ARHGAP15: variants seen among roughly 807,000 people sequenced by gnomAD.
ARHGAP15 encodes the protein rho GTPase-activating protein 15.
A neutral mutation model predicts 63.7 loss-of-function variants in ARHGAP15; 51 were observed. The observed-to-expected ratio is 0.80, with a 90% CI of 0.64 to 1.01. The LOEUF is 1.01. Among genes scored for constraint, ARHGAP15 ranks in the 50% least tolerant of loss-of-function variants. The probability of loss-of-function intolerance (pLI) is 0.00; values close to 1 mark genes in which losing one functional copy is unlikely to be tolerated. For missense variants in ARHGAP15, 560 were observed against 564.6 expected, an observed-to-expected ratio of 0.99 and a Z score of 0.08; for synonymous variants, 191 against 193.8, an observed-to-expected ratio of 0.99 and a Z score of 0.12.
intron 6 of ARHGAP15, among the ~76,000 whole-genome samples, chr2:143,264,256 A>T (rs1220654758): frequency 6.6e-6 from 1 of 152,018 alleles, no homozygotes; most frequent in Non-Finnish European, 1.5e-5. Context: ...GAGTTGTCTG[A>T]TGTCATATAA....
chr2:143,578,211 C>T (rs1395890669), intron 11 of ARHGAP15, among the ~76,000 whole-genome samples: 1 of 152,004 alleles, frequency 6.6e-6, no homozygotes, highest in Non-Finnish European at 1.5e-5. Context: ...TTCATTTATA[C>T]ATAATCTTTG....
chr2:143,481,576 G>T (rs1291726313), intron 8 of ARHGAP15, among the ~76,000 whole-genome samples: 3 of 152,056 alleles, frequency 2.0e-5, no homozygotes, highest in African/African-American at 7.2e-5. Context: ...AGATTTGGGG[G>T]TTTTCTTTTT....
At chr2:143,364,989 G>C (rs1428514970) in intron 6 of ARHGAP15, among the ~76,000 whole-genome samples, 1 of 151,972 alleles carries the variant, frequency 6.6e-6, no homozygotes, top group Non-Finnish European at 1.5e-5. Context: ...CTTGGCAACA[G>C]AGCGAGACTC....
chr2:143,441,441 G>GA (rs1487891026), intron 8 of ARHGAP15, among the ~76,000 whole-genome samples: 1 of 152,146 alleles, frequency 6.6e-6, no homozygotes, highest in African/African-American at 2.4e-5. Flanking sequence ...AAGTTGATGG[G>GA]AAGGATTCAG....
intron 6 of ARHGAP15, among the ~76,000 whole-genome samples, chr2:143,413,696 A>ACTCCTGGG (rs1304859636): frequency 1.3e-5 from 2 of 151,854 alleles, no homozygotes; most frequent in Non-Finnish European, 2.9e-5. Flanking sequence ...CTGATTCTGA[A>ACTCCTGGG]CTCCTGGGCT....
intron 6 of ARHGAP15, among the ~76,000 whole-genome samples, chr2:143,366,911 T>C (rs1248960876): frequency 1.3e-5 from 2 of 152,110 alleles, no homozygotes; most frequent in East Asian, 3.8e-4. Flanking sequence ...ATCTTTTAAC[T>C]TGACTCTGCT....
At chr2:143,316,709 A>G (rs565255094) in intron 6 of ARHGAP15, among the ~76,000 whole-genome samples, 36 of 151,748 alleles carry the variant, frequency 2.4e-4, no homozygotes, top group African/African-American at 8.2e-4. Flanking sequence ...TCTCTGATCA[A>G]TTCTGTCTCC....
At chr2:143,658,748 C>T (rs1270866950) in intron 12 of ARHGAP15, among the ~76,000 whole-genome samples, 1 of 152,180 alleles carries the variant, frequency 6.6e-6, no homozygotes, top group African/African-American at 2.4e-5. Flanking sequence ...TCCTCTGTCA[C>T]TTCTGGTAAG....
intron 10 of ARHGAP15, among the ~76,000 whole-genome samples, chr2:143,554,143 T>G (rs1304965411): frequency 1.3e-5 from 2 of 152,222 alleles, no homozygotes; most frequent in Non-Finnish European, 2.9e-5. Context: ...CTAATTTGAT[T>G]GATTTTTTAA....
chr2:143,360,593 G>C (rs11691350), intron 6 of ARHGAP15, among the ~76,000 whole-genome samples: 9,083 of 152,188 alleles, frequency 0.06, 386 homozygotes, highest in Non-Finnish European at 0.094. Flanking sequence ...GGAAACCTGA[G>C]TTTGCATTCC....
chr2:143,509,620 A>C (rs1226253736), intron 9 of ARHGAP15, among the ~76,000 whole-genome samples: 3 of 152,228 alleles, frequency 2.0e-5, no homozygotes, highest in Non-Finnish European at 4.4e-5. Context: ...CCAGTTCTCC[A>C]AACATTCTCA....
intron 13 of ARHGAP15, among the ~76,000 whole-genome samples, chr2:143,724,422 G>A (rs1244994320): frequency 1.3e-5 from 2 of 152,168 alleles, no homozygotes; most frequent in Admixed American, 6.5e-5. Flanking sequence ...TTACCGCCCT[G>A]TCAGGCTCTG....
intron 10 of ARHGAP15, among the ~76,000 whole-genome samples, chr2:143,539,170 G>A (rs539511845): frequency 6.6e-5 from 10 of 152,256 alleles, no homozygotes; most frequent in Non-Finnish European, 1.2e-4. Context: ...TTTGTGTAGA[G>A]GTATTTATAG....
intron 11 of ARHGAP15, chr2:143,601,383 C>T (rs1029893417): frequency 1.3e-5 from 2 of 152,090 alleles, no homozygotes; most frequent in Admixed American, 6.6e-5. Flanking sequence ...ATTTTGAAAG[C>T]TAAATGCTTT....
chr2:143,243,530 T>A (rs1019921111), intron 5 of ARHGAP15, among the ~76,000 whole-genome samples: 33 of 152,180 alleles, frequency 2.2e-4, no homozygotes, highest in Non-Finnish European at 4.3e-4. Context: ...AGTCATTTTT[T>A]AAAAAGTGTA....
At chr2:143,726,972 G>A (rs1307467897) in intron 13 of ARHGAP15, among the ~76,000 whole-genome samples, 1 of 152,158 alleles carries the variant, frequency 6.6e-6, no homozygotes, top group Non-Finnish European at 1.5e-5. Context: ...ATCTCAGCTT[G>A]GGATCCACAG....
chr2:143,567,123 C>A (rs1012490948), intron 11 of ARHGAP15, among the ~76,000 whole-genome samples: 8 of 152,096 alleles, frequency 5.3e-5, no homozygotes, highest in Non-Finnish European at 8.8e-5. Context: ...GATCTGCCCC[C>A]CTCGGCCTCC....
intron 6 of ARHGAP15, among the ~76,000 whole-genome samples, chr2:143,316,030 T>C (rs1409217014): frequency 1.3e-5 from 2 of 151,912 alleles, no homozygotes; most frequent in Non-Finnish European, 2.9e-5. Context: ...AGGTTCCAGC[T>C]AGCCAAGATG....
intron 8 of ARHGAP15, among the ~76,000 whole-genome samples, chr2:143,459,470 A>T (rs1006198783): frequency 6.6e-6 from 1 of 152,152 alleles, no homozygotes; most frequent in African/African-American, 2.4e-5. Flanking sequence ...AGTTTTCATA[A>T]ATCTTATCAA....
Sources: allele counts gnomAD v4.1 joint callset (sites outside exome capture counted in the v4.1 genomes callset), GRCh38; gene constraint gnomAD v4.1.1; transcripts MANE v1.5; gene names NCBI Gene and HGNC (gene_info 2026-07-23, HGNC 2026-07-21).